Variants in RUSC2 observed in about 807,000 individuals in gnomAD.
The protein encoded by RUSC2 is RUN and SH3 domain containing 2, also known as AP-4 complex accessory subunit RUSC2.
A neutral mutation model predicts 122.2 loss-of-function variants in RUSC2; 34 were observed. That is an observed-to-expected ratio of 0.28 (90% CI 0.21 to 0.37). The LOEUF (loss-of-function observed/expected upper bound fraction) is 0.37. Among genes scored for constraint, RUSC2 ranks in the 10% least tolerant of loss-of-function variants. The pLI, the probability that RUSC2 is intolerant of heterozygous loss-of-function variation, is 1.00. For missense variants in RUSC2, 1,747 were observed against 1,952.4 expected (o/e 0.89, Z 1.98); for synonymous variants, 784 against 790.0 (o/e 0.99, Z 0.13).
intron 1 of RUSC2, among the ~76,000 whole-genome samples, chr9:35,503,814 A>G (rs896045408): frequency 6.6e-6 from 1 of 151,866 alleles, no homozygotes; most frequent in African/African-American, 2.4e-5. Flanking sequence ...TCACTCTGTC[A>G]TCCAGGCTGG....
intron 1 of RUSC2, among the ~76,000 whole-genome samples, chr9:35,494,241 G>A (rs181175113): frequency 1.5e-3 from 234 of 151,976 alleles, no homozygotes; most frequent in Admixed American, 5.8e-3. Context: ...CGAGGCGGGC[G>A]GATCACCTAA....
At chr9:35,526,935 C>T (rs552965727) in intron 1 of RUSC2, among the ~76,000 whole-genome samples, 3 of 152,206 alleles carry the variant, frequency 2.0e-5, no homozygotes, top group East Asian at 3.9e-4. Flanking sequence ...TCAAATATTA[C>T]CTCTCCTTGA....
chr9:35,497,378 A>G (rs184408547), intron 1 of RUSC2, among the ~76,000 whole-genome samples: 6 of 152,358 alleles, frequency 3.9e-5, no homozygotes, highest in Admixed American at 3.9e-4. Context: ...TAATTGGGTT[A>G]GTAAACTGGA....
chr9:35,527,134 C>G lies in RUSC2; in HGVS notation c.-92-19296C>G. Among the ~76,000 whole-genome samples the G allele has an allele frequency of 3.1e-5, 3 of 98,354 alleles. No homozygotes were observed. The Admixed American group carries it at 4.0e-4, about 13-fold the overall frequency. The allele number at this position is 98,354 out of a possible 152,430, so 64.5% of individuals were successfully genotyped here. ...TTTTCTGCTGTTAAATTTGTCCTTT[C>G]GTTGTTTTTTTTTTCTTTTTTGAGA... is the stretch of plus-strand genomic sequence containing the variant. On this transcript the variant is annotated intron_variant, in intron 1 of 11. Coordinates refer to ENST00000361226, the MANE Select transcript of RUSC2 (RefSeq NM_014806.5).
At position 35,561,450 on chromosome 9, in the gene RUSC2, C is replaced by T; in HGVS notation, c.*68C>T. 3.7e-6 allele frequency: 5 copies of T among 1,367,668 alleles called. No individual in the cohort carries two copies. The highest frequency in any genetic ancestry group is 5.0e-6 in the Non-Finnish European group (5 of 994,502). The allele number at this position is 1,367,668 out of a possible 1,614,324, so 84.7% of individuals were successfully genotyped here. A position where few individuals can be genotyped will look rare whatever the true frequency, so the allele number is the denominator to read the frequency against. The stretch of plus-strand genomic sequence containing the variant: ...CAGACTCAGAGCCCGAGAGCCCTTC[C>T]CAAGCCATTGGCTTGGCTGCAGAGT... On this transcript the variant is annotated 3_prime_UTR_variant, in exon 12 of 12. Transcript: ENST00000361226.
chr9:35,517,893 A>G lies in RUSC2; in HGVS notation c.-93+27721A>G. Among the ~76,000 whole-genome samples the G allele has an allele frequency of 1.3e-5, 2 of 152,098 alleles. 1 individual carries two copies. Among genetic ancestry groups the G allele is most frequent in the Non-Finnish European group, 2.9e-5 (2 of 68,004 alleles). On this transcript the variant is annotated intron_variant, in intron 1 of 11. Transcript: ENST00000361226. ...TTTTATTTTTCAAATATTTTTTCCT[A>G]CCACACACCAGAAGATGGATACAGT...
chr9:35,497,215 G>A (rs1337886853), intron 1 of RUSC2, among the ~76,000 whole-genome samples: 2 of 152,134 alleles, frequency 1.3e-5, no homozygotes, highest in African/African-American at 2.4e-5. Context: ...AGAGAGATAC[G>A]ACACAGCAGT....
Position 35,558,291 on chromosome 9 carries a change from T to C in RUSC2, c.3155T>C (p.Leu1052Pro). The change falls in exon 7 of 12, where the codon CTC becomes CCC. Residue 1052 changes from leucine to proline, a missense_variant. Coordinates refer to ENST00000361226, the MANE Select transcript of RUSC2 (RefSeq NM_014806.5). This position sits in a 1 kb window ranked among gnomAD's most constrained non-coding sequence, Gnocchi z 4.3. ...PAVRAVLEDG[L>P]KAFVLDVIIG... is the part of the protein sequence containing the mutation. ...GTCCGCGCCGTGCTGGAGGATGGGC[T>C]CAAGGCCTTTGTACTGGACGTCATC... 1 of 1,614,138 alleles carries C rather than the reference T, an allele frequency of 6.2e-7. No individual in the cohort carries two copies. The highest frequency in any genetic ancestry group is 8.5e-7 in the Non-Finnish European group (1 of 1,180,016).
At chr9:35,550,752 A>G (rs1173483231) in intron 2 of RUSC2, among the ~76,000 whole-genome samples, 1 of 152,156 alleles carries the variant, frequency 6.6e-6, no homozygotes, top group African/African-American at 2.4e-5. Flanking sequence ...GCACCCTCAA[A>G]AGAGACAGAA....
rs1026876878 is a variant in RUSC2, at chr9:35,546,505, T to C, written c.-17T>C. 7.1e-6 allele frequency: 10 copies of C among 1,406,134 alleles called. No homozygotes were observed. The African/African-American group carries it at 1.2e-4, about 16-fold the overall frequency. 87.1% of individuals were successfully genotyped at this position (1,406,134 alleles called of 1,614,324 possible). A position where few individuals can be genotyped will look rare whatever the true frequency, so the allele number is the denominator to read the frequency against. ...CAGTGTCTGGTGCTGTTGAAGCCCT[T>C]ATTCGAACTTTCCAGAATGGATAGT... On this transcript the variant is annotated 5_prime_UTR_variant, in exon 2 of 12. Coordinates refer to ENST00000361226, the MANE Select transcript of RUSC2 (RefSeq NM_014806.5). This position sits in a 1 kb window ranked among gnomAD's most constrained non-coding sequence, Gnocchi z 4.3.
In RUSC2 at chr9:35,546,160, A is replaced by G. The variant is rs943910466; in HGVS notation, c.-92-270A>G. Among the ~76,000 whole-genome samples, 1 of 152,184 alleles carries G rather than the reference A, an allele frequency of 6.6e-6. No homozygotes were observed. The highest frequency in any genetic ancestry group is 2.4e-5 in the African/African-American group (1 of 41,452). On this transcript the variant is annotated intron_variant, in intron 1 of 11. Transcript: ENST00000361226. The surrounding 1 kb of genome is among the most constrained non-coding windows in gnomAD (Gnocchi z 4.3). ...AAGGGAAAGTACTGCCCAAACCTTC[A>G]TATGTGGCATTAGAAGGACTTGGCC...
At chr9:35,518,574 A>G (rs1821151988) in intron 1 of RUSC2, among the ~76,000 whole-genome samples, 1 of 152,190 alleles carries the variant, frequency 6.6e-6, no homozygotes, top group South Asian at 2.1e-4. Flanking sequence ...TAAAGTCCCT[A>G]GGACCCCAGT....
At chr9:35,527,805 C>A (rs979587363) in intron 1 of RUSC2, among the ~76,000 whole-genome samples, 2 of 152,214 alleles carry the variant, frequency 1.3e-5, no homozygotes, top group Non-Finnish European at 2.9e-5. Context: ...TTCATATCTG[C>A]TTCTACCAAA....
At chr9:35,525,794 T>C (rs1008698417) in intron 1 of RUSC2, among the ~76,000 whole-genome samples, 1 of 151,974 alleles carries the variant, frequency 6.6e-6, no homozygotes, top group African/African-American at 2.4e-5. Context: ...CCTTTAAACA[T>C]ATTTTTTAGG....
chr9:35,492,088 C>A (rs560408902), intron 1 of RUSC2, among the ~76,000 whole-genome samples: 2 of 152,074 alleles, frequency 1.3e-5, no homozygotes, highest in South Asian at 4.2e-4. Flanking sequence ...TCTACTTTTT[C>A]CTGTCTAGGC....
chr9:35,537,248 G>A (rs1821547714), intron 1 of RUSC2, among the ~76,000 whole-genome samples: 1 of 152,140 alleles, frequency 6.6e-6, no homozygotes, highest in South Asian at 2.1e-4. Flanking sequence ...AGAAATTTCA[G>A]AGTCAAAGAC....
At chr9:35,535,917 A>G (rs1353214304) in intron 1 of RUSC2, among the ~76,000 whole-genome samples, 1 of 152,228 alleles carries the variant, frequency 6.6e-6, no homozygotes, top group Non-Finnish European at 1.5e-5. Context: ...TATGCCAAGC[A>G]GTATGCTAGG....
rs1821142443 is a variant in RUSC2, at chr9:35,518,040, G to A, written c.-93+27868G>A. ...CAGTGTTCCTGTCTTTGGGCATCCTGCCACTATCCTAGGCATGGGTAGTTT... is the reference window on the plus strand; with the variant it reads ...CAGTGTTCCTGTCTTTGGGCATCCTACCACTATCCTAGGCATGGGTAGTTT... On this transcript the variant is annotated intron_variant, in intron 1 of 11. Coordinates refer to ENST00000361226, the MANE Select transcript of RUSC2 (RefSeq NM_014806.5). 2.0e-5 allele frequency among the ~76,000 whole-genome samples: 3 copies of A among 152,186 alleles called. No individual in the cohort carries two copies. In the South Asian group the frequency reaches 6.2e-4, roughly 32 times the overall value.
intron 1 of RUSC2, among the ~76,000 whole-genome samples, chr9:35,520,928 GGTCT>G (rs1270948870): frequency 6.6e-6 from 1 of 151,998 alleles, no homozygotes; most frequent in Non-Finnish European, 1.5e-5. Flanking sequence ...TGAAGAACTC[GGTCT>G]GTCAAGGTAG....
Sources: allele counts gnomAD v4.1 joint callset (sites outside exome capture counted in the v4.1 genomes callset), GRCh38; gene constraint gnomAD v4.1.1; non-coding constraint Gnocchi (gnomAD v3.1); transcripts MANE v1.5; gene names NCBI Gene and HGNC (gene_info 2026-07-23, HGNC 2026-07-21).